LRBA: variants seen among roughly 807,000 people sequenced by gnomAD.
LRBA encodes the protein LPS responsive beige-like anchor protein, also known as lipopolysaccharide-responsive and beige-like anchor protein.
Under a neutral mutation model 330.0 loss-of-function variants are expected in LRBA, and 176 were observed. The observed-to-expected ratio is 0.53, with a 90% CI of 0.47 to 0.60. LRBA has a LOEUF of 0.60. LRBA is among the 20% of genes least tolerant of loss of function. LRBA has a pLI of 0.00. For synonymous variants in LRBA, 1,230 were observed against 1,193.0 expected, an observed-to-expected ratio of 1.03 and a Z score of -0.64; for missense variants, 3,259 against 3,444.8, an observed-to-expected ratio of 0.95 and a Z score of 1.35.
At chr4:150,402,349 T>C (rs1323929014) in intron 47 of LRBA, among the ~76,000 whole-genome samples, 2 of 150,588 alleles carry the variant, frequency 1.3e-5, no homozygotes, top group Admixed American at 6.6e-5. Context: ...GGCATAAGTA[T>C]ATGAACAAAA....
intron 51 of LRBA, among the ~76,000 whole-genome samples, chr4:150,313,840 G>GTATATATATA (rs35815992): frequency 7.2e-4 from 102 of 142,008 alleles, no homozygotes; most frequent in African/African-American, 2.5e-3. Context: ...TATATATAAT[G>GTATATATATA]TATATATATA....
At chr4:150,309,232 T>C (rs1730750311) in intron 52 of LRBA, among the ~76,000 whole-genome samples, 1 of 152,208 alleles carries the variant, frequency 6.6e-6, no homozygotes, top group South Asian at 2.1e-4. Context: ...TGTGTTATAA[T>C]TGCCTACAGT....
chr4:150,749,268 G>T (rs1401718792), intron 35 of LRBA, among the ~76,000 whole-genome samples: 1 of 152,002 alleles, frequency 6.6e-6, no homozygotes, highest in Admixed American at 6.6e-5. Flanking sequence ...TAGATAAACT[G>T]GACTACATCA....
At position 150,694,869 on chromosome 4, in the gene LRBA, T is replaced by G. The variant is rs1178444277; in HGVS notation, c.5755-11152A>C. ...TGAAGATTAATATAGGTTATTCTAT[T>G]TTTTTGCTTCACACTTTTGGTAATA... On this transcript the variant is annotated intron_variant, in intron 36 of 56. Coordinates refer to ENST00000651943, the MANE Select transcript of LRBA (RefSeq NM_001364905.1). Among the ~76,000 whole-genome samples the G allele has an allele frequency of 2.6e-5, 4 of 152,212 alleles. No individual in the cohort carries two copies. The East Asian group carries it at 7.7e-4, about 29-fold the overall frequency.
intron 51 of LRBA, chr4:150,315,269 C>T (rs1580988434): frequency 2.2e-6 from 1 of 458,606 alleles, no homozygotes; most frequent in African/African-American, 2.1e-5. Flanking sequence ...TGAAAAGATC[C>T]AATATTATCC....
chr4:150,367,155 T>G (rs1461091080), intron 47 of LRBA, among the ~76,000 whole-genome samples: 2 of 152,228 alleles, frequency 1.3e-5, no homozygotes, highest in Non-Finnish European at 2.9e-5. Context: ...TTTTAAATTT[T>G]CCTTTCTTTA....
intron 36 of LRBA, among the ~76,000 whole-genome samples, chr4:150,690,679 G>GT (rs1554080560): frequency 6.8e-6 from 1 of 146,706 alleles, no homozygotes; most frequent in Non-Finnish European, 1.5e-5. Flanking sequence ...ATCCACATGA[G>GT]AAAAAAAAAA....
chr4:150,601,797 T>C (rs943534064), intron 37 of LRBA, among the ~76,000 whole-genome samples: 40 of 151,468 alleles, frequency 2.6e-4, no homozygotes, highest in African/African-American at 8.9e-4. Context: ...GTTCACACCA[T>C]TCTCCTGCCT....
At chr4:150,296,552 A>G (rs1001495955) in intron 53 of LRBA, among the ~76,000 whole-genome samples, 6 of 152,158 alleles carry the variant, frequency 3.9e-5, no homozygotes, top group Non-Finnish European at 8.8e-5. Context: ...CAAGAAAATC[A>G]ATTTTTAAAA....
intron 42 of LRBA, among the ~76,000 whole-genome samples, chr4:150,478,551 C>T (rs1408227882): frequency 6.6e-6 from 1 of 152,172 alleles, no homozygotes; most frequent in African/African-American, 2.4e-5. Context: ...TCTTCAGCTA[C>T]ATTATCAACA....
chr4:150,823,807 G>A (rs1268668576), intron 30 of LRBA, among the ~76,000 whole-genome samples: 4 of 151,862 alleles, frequency 2.6e-5, no homozygotes, highest in Non-Finnish European at 1.5e-5. Context: ...TATTCCATTG[G>A]TCTATGTATC....
chr4:150,898,960 G>A (rs1730425352), intron 14 of LRBA, among the ~76,000 whole-genome samples: 1 of 152,142 alleles, frequency 6.6e-6, no homozygotes, highest in African/African-American at 2.4e-5. Flanking sequence ...TATGCAAATT[G>A]AAAATCTTTG....
intron 33 of LRBA, 55 bp downstream of exon 33, chr4:150,806,216 G>C (rs1481316669): frequency 2.3e-6 from 3 of 1,323,284 alleles, no homozygotes; most frequent in East Asian, 2.6e-5. Flanking sequence ...ATCCATGTAA[G>C]TTTTTAATCC....
At chr4:150,778,113 C>T (rs1737676024) in intron 34 of LRBA, among the ~76,000 whole-genome samples, 1 of 151,828 alleles carries the variant, frequency 6.6e-6, no homozygotes, top group Non-Finnish European at 1.5e-5. Context: ...AACATCATAT[C>T]TAACACAAAC....
At chr4:150,356,140 T>C (rs1737813375) in intron 47 of LRBA, among the ~76,000 whole-genome samples, 2 of 152,092 alleles carry the variant, frequency 1.3e-5, no homozygotes, top group Admixed American at 6.6e-5. Flanking sequence ...TCCTTTCAAC[T>C]TTTTTATTCT....
intron 28 of LRBA, chr4:150,841,054 C>A: frequency 1.8e-6 from 2 of 1,115,080 alleles, no homozygotes; most frequent in Non-Finnish European, 2.3e-6. Flanking sequence ...ACTTCTTAGT[C>A]TGTTGGAAAA....
At chr4:150,489,592 TATAAGAATATATAATATATAA>T (rs1758602400) in intron 41 of LRBA, among the ~76,000 whole-genome samples, 1 of 81,770 alleles carries the variant, frequency 1.2e-5, no homozygotes, top group Non-Finnish European at 2.4e-5. Flanking sequence ...TAATATATTA[TATAAGAATATATAATATATAA>T]TATATAAGAA....
intron 37 of LRBA, among the ~76,000 whole-genome samples, chr4:150,639,755 A>T (rs183544982): frequency 1.5e-4 from 3 of 20,224 alleles, no homozygotes; most frequent in African/African-American, 4.7e-4. Context: ...ATATATATAT[A>T]TATATATATA....
At chr4:150,999,386 C>G (rs544456255) in intron 2 of LRBA, among the ~76,000 whole-genome samples, 3 of 151,906 alleles carry the variant, frequency 2.0e-5, no homozygotes, top group East Asian at 3.9e-4. Context: ...TTCCCTGGCA[C>G]AGGAAATTAC....
Sources: allele counts gnomAD v4.1 joint callset (sites outside exome capture counted in the v4.1 genomes callset), GRCh38; gene constraint gnomAD v4.1.1; transcripts MANE v1.5; gene names NCBI Gene and HGNC (gene_info 2026-07-23, HGNC 2026-07-21).